Variants in ITPKB observed in about 807,000 individuals in gnomAD.
ITPKB encodes inositol-trisphosphate 3-kinase B, also known as IP3 3-kinase B.
In ITPKB, 13 loss-of-function variants were observed where a neutral mutation model predicts 69.4. The ratio of observed to expected loss-of-function variants is 0.19; its 90% CI spans 0.12 to 0.30. The LOEUF is 0.30. Among genes scored for constraint, ITPKB ranks in the 10% least tolerant of loss-of-function variants. The pLI, the probability that ITPKB is intolerant of heterozygous loss-of-function variation, is 1.00. For synonymous variants in ITPKB, 584 were observed against 513.7 expected, an observed-to-expected ratio of 1.14 and a Z score of -1.85; for missense variants, 1,240 against 1,250.5, an observed-to-expected ratio of 0.99 and a Z score of 0.13.
chr1:226,689,441 A>G (rs1656292136), intron 2 of ITPKB, among the ~76,000 whole-genome samples: 1 of 152,202 alleles, frequency 6.6e-6, no homozygotes, highest in Non-Finnish European at 1.5e-5. Flanking sequence ...GTACTGTGGT[A>G]GGCCCAGGGA....
intron 2 of ITPKB, among the ~76,000 whole-genome samples, chr1:226,719,633 A>C (rs1474628878): frequency 6.6e-6 from 1 of 152,228 alleles, no homozygotes; most frequent in Non-Finnish European, 1.5e-5. Context: ...GATTGCATTC[A>C]ATTCCTGCTT....
intron 2 of ITPKB, among the ~76,000 whole-genome samples, chr1:226,683,613 T>C (rs1656135774): frequency 6.6e-6 from 1 of 152,084 alleles, no homozygotes. Flanking sequence ...GTGGAGACGG[T>C]GGCGGGGGAA....
chr1:226,677,788 C>T lies in ITPKB; in HGVS notation c.1933-29017G>A, dbSNP rs147373677. On this transcript the variant is annotated intron_variant, in intron 2 of 7. Transcript: ENST00000429204. ...AACAATGACTACCACTGAAAGAGCA[C>T]CCATTACATACATCACAGGGCGTTC... Among the ~76,000 whole-genome samples the T allele has an allele frequency of 1.9e-3, 282 of 152,334 alleles. 1 individual carries two copies. Among genetic ancestry groups the T allele is most frequent in the Middle Eastern group, 0.014 (4 of 294 alleles).
rs1162952771 is a variant in ITPKB, at chr1:226,642,160, C to T, written c.2247-35G>A. Reference sequence around the variant, plus strand: ...AGGGAAGGCGACATGAGGGCCGAGGCCTGGGGCAGGGCTCACCAGCAGCTC... The same window carrying T: ...AGGGAAGGCGACATGAGGGCCGAGGTCTGGGGCAGGGCTCACCAGCAGCTC... On this transcript the variant is annotated intron_variant, in intron 4 of 7. Coordinates refer to ENST00000429204, the MANE Select transcript of ITPKB (RefSeq NM_002221.4). The surrounding 1 kb of genome is among the most constrained non-coding windows in gnomAD (Gnocchi z 6.4). 1.9e-6 allele frequency: 3 copies of T among 1,575,136 alleles called. No homozygotes were observed. The highest frequency in any genetic ancestry group is 2.7e-5 in the African/African-American group (2 of 74,332).
intron 2 of ITPKB, among the ~76,000 whole-genome samples, chr1:226,727,268 C>T (rs1270159065): frequency 1.3e-5 from 2 of 152,220 alleles, no homozygotes; most frequent in African/African-American, 2.4e-5. Context: ...CACAGGAGAT[C>T]CTGCTGAATT....
chr1:226,678,538 G>C (rs1655974025), intron 2 of ITPKB, among the ~76,000 whole-genome samples: 3 of 152,212 alleles, frequency 2.0e-5, no homozygotes, highest in African/African-American at 2.4e-5. Flanking sequence ...GTTCTTCATA[G>C]CTGTGACTTC....
At chr1:226,717,539 G>C (rs708768) in intron 2 of ITPKB, among the ~76,000 whole-genome samples, 62,826 of 152,012 alleles carry the variant, frequency 0.41, 13,358 homozygotes, top group African/African-American at 0.49. Flanking sequence ...TCTCGGAGGC[G>C]CCCAGAGGGA....
At position 226,735,601 on chromosome 1, in the gene ITPKB, A is replaced by G; in HGVS notation, c.1858T>C (p.Ser620Pro). The change falls in exon 2 of 8, where the codon TCC becomes CCC. Residue 620 changes from serine to proline, a missense_variant. By Grantham distance (74) the Ser-to-Pro change is moderately conservative. This residue lies in a region of ITPKB where 992 missense variants were observed against 853.8 expected (regional missense o/e 1.16). Transcript: ENST00000429204. ...SSYEDSEEDISSDPERTLDPN... is the reference protein window; with the variant it reads ...SSYEDSEEDIPSDPERTLDPN... ...TCCAGGGTGCGCTCAGGGTCACTGG[A>G]GATGTCCTCCTCTGAGTCTTCGTAG... The G allele has an allele frequency of 6.2e-7, 1 of 1,601,744 alleles. No individual in the cohort carries two copies. Among genetic ancestry groups the G allele is most frequent in the Non-Finnish European group, 8.5e-7 (1 of 1,173,998 alleles).
intron 4 of ITPKB, among the ~76,000 whole-genome samples, chr1:226,643,507 A>G (rs1669005302): frequency 6.6e-6 from 1 of 151,596 alleles, no homozygotes; most frequent in Non-Finnish European, 1.5e-5. Context: ...CTGGCCCTCC[A>G]CTCTTCCTGC....
intron 2 of ITPKB, among the ~76,000 whole-genome samples, chr1:226,686,775 T>G (rs1484779056): frequency 6.6e-6 from 1 of 152,256 alleles, no homozygotes; most frequent in African/African-American, 2.4e-5. Flanking sequence ...TTTAGGTGTG[T>G]GTCCGTTTTT....
rs745647132 is a variant in ITPKB, at chr1:226,642,252, C to G, written c.2247-127G>C. 1.4e-6 allele frequency: 1 copy of G among 711,342 alleles called. No homozygotes were observed. The highest frequency in any genetic ancestry group is 1.8e-5 in the African/African-American group (1 of 56,122). 44.1% of individuals were successfully genotyped at this position (711,342 alleles called of 1,614,324 possible). A position where few individuals can be genotyped will look rare whatever the true frequency, so the allele number is the denominator to read the frequency against. On this transcript the variant is annotated intron_variant, in intron 4 of 7. Coordinates refer to ENST00000429204, the MANE Select transcript of ITPKB (RefSeq NM_002221.4). This position sits in a 1 kb window ranked among gnomAD's most constrained non-coding sequence, Gnocchi z 6.4. The stretch of plus-strand genomic sequence containing the variant: ...CAACAGCTGCAGTCAGCTCAGTGCC[C>G]TGAGTCAAGGCACGTCTTTCCGAGG...
chr1:226,712,333 C>T (rs537945000), intron 2 of ITPKB, among the ~76,000 whole-genome samples: 45 of 152,274 alleles, frequency 3.0e-4, no homozygotes, highest in African/African-American at 1.0e-3. Flanking sequence ...CCCCAGCCTT[C>T]GTGGTCACTG....
intron 2 of ITPKB, among the ~76,000 whole-genome samples, chr1:226,678,770 C>T (rs537750768): frequency 1.1e-4 from 17 of 152,308 alleles, no homozygotes; most frequent in Middle Eastern, 3.4e-3. Context: ...GTCTTGACAA[C>T]GGTGTTCATG....
At position 226,736,868 on chromosome 1, in the gene ITPKB, G is replaced by C. The variant is rs16846447; in HGVS notation, c.591C>G (p.Ser197Arg). 4.3e-6 allele frequency: 7 copies of C among 1,611,004 alleles called. No individual in the cohort carries two copies. Among genetic ancestry groups the C allele is most frequent in the South Asian group, 1.1e-5 (1 of 91,088 alleles). ...CCCAGGACTTTGTCCTCCGTTCCTC[G>C]CTCCGGGCGCCCTGAACCAGGACCC... The part of the protein sequence containing the change: ...PGRVLVQGAR[S>R]EERRTKSWGE... Residue 197 changes from serine to arginine, a missense_variant, in exon 2 of 8, where the codon AGC becomes AGG. Transcript: ENST00000429204.
At chr1:226,707,393 C>T (rs1656828378) in intron 2 of ITPKB, 1 of 307,638 alleles carries the variant, frequency 3.3e-6, no homozygotes, top group South Asian at 1.3e-4. Context: ...GACGGGGTTT[C>T]ACCATGTTGG....
intron 2 of ITPKB, among the ~76,000 whole-genome samples, chr1:226,685,672 C>T (rs1656190688): frequency 6.6e-6 from 1 of 152,214 alleles, no homozygotes; most frequent in African/African-American, 2.4e-5. Context: ...TGACCAGTGA[C>T]ACCTCCACGT....
At chr1:226,705,365 G>A (rs1656774816) in intron 2 of ITPKB, among the ~76,000 whole-genome samples, 1 of 151,944 alleles carries the variant, frequency 6.6e-6, no homozygotes, top group Non-Finnish European at 1.5e-5. Context: ...CCTCATCTCT[G>A]CTAAAAATAC....
chr1:226,698,041 C>T (rs901645436), intron 2 of ITPKB, among the ~76,000 whole-genome samples: 16 of 152,240 alleles, frequency 1.1e-4, no homozygotes, highest in African/African-American at 3.9e-4. Context: ...TGAAGGACAG[C>T]TTTGAATCTG....
chr1:226,633,731 C>T lies in ITPKB; in HGVS notation c.*940G>A, dbSNP rs903207369. 6.6e-6 allele frequency: 1 copy of T among 152,266 alleles called. No individual in the cohort carries two copies. Among genetic ancestry groups the T allele is most frequent in the Non-Finnish European group, 1.5e-5 (1 of 68,056 alleles). The allele number at this position is 152,266 out of a possible 1,614,324, so 9.4% of individuals were successfully genotyped here. A position where few individuals can be genotyped will look rare whatever the true frequency, so the allele number is the denominator to read the frequency against. On this transcript the variant is annotated 3_prime_UTR_variant, in exon 8 of 8. Transcript: ENST00000429204. ...AGCTCCTCCCCTATTTCTATATCTG[C>T]AAGGGACTCTGGGCCCCATGACAGG...
Sources: gnomAD v4.1 joint callset for allele counts (sites outside exome capture counted in the v4.1 genomes callset) on GRCh38, gnomAD v4.1.1 for gene constraint, gnomAD v4.1.1 regional missense constraint, Gnocchi (gnomAD v3.1) non-coding constraint, MANE v1.5 for transcripts, NCBI Gene and HGNC (gene_info 2026-07-23, HGNC 2026-07-21) for gene names.